TAF1: variants seen among roughly 807,000 people sequenced by gnomAD.
The protein encoded by TAF1 is TATA-box binding protein associated factor 1, also known as transcription initiation factor TFIID subunit 1.
A neutral mutation model predicts 138.5 loss-of-function variants in TAF1; 2 were observed. The ratio of observed to expected loss-of-function variants is 0.01; its 90% CI spans 0.01 to 0.05. The LOEUF (loss-of-function observed/expected upper bound fraction) is 0.05, where lower values mean the gene tolerates loss of function less well. Among genes scored for constraint, TAF1 ranks in the 10% least tolerant of loss-of-function variants. The probability of loss-of-function intolerance (pLI) is 1.00; values close to 1 mark genes in which losing one functional copy is unlikely to be tolerated. For synonymous variants in TAF1, 437 were observed against 503.2 expected (o/e 0.87, Z 1.76); for missense variants, 709 against 1,478.0 (o/e 0.48, Z 8.53).
chrX:71,446,130 C>T (rs189440156), intron 32 of TAF1, among the ~76,000 whole-genome samples: 60 of 110,838 alleles, frequency 5.4e-4, no homozygotes, highest in Non-Finnish European at 1.0e-3. Context: ...AGGCTGGTCC[C>T]GAACTCCTGA....
rs746444400 is a variant in TAF1, at chrX:71,437,415, A to G, written c.4753+13177A>G. Among the ~76,000 whole-genome samples, 3 of 110,395 alleles carry G rather than the reference A, an allele frequency of 2.7e-5. No individual in the cohort carries two copies. In the South Asian group the frequency reaches 1.2e-3, roughly 42 times the overall value. ...TCCATCAGTGATTGGGACCCAAGGTATAAGTATTTCTGACCAGGCTTGGTG... is the reference window on the plus strand; with the variant it reads ...TCCATCAGTGATTGGGACCCAAGGTGTAAGTATTTCTGACCAGGCTTGGTG... On this transcript the variant is annotated intron_variant, in intron 32 of 37. Coordinates refer to ENST00000423759, the MANE Select transcript of TAF1 (RefSeq NM_004606.5).
intron 3 of TAF1, 34 bp downstream of exon 3, chrX:71,368,204 G>C (rs1486836885): frequency 1.7e-6 from 2 of 1,182,987 alleles, no homozygotes; most frequent in South Asian, 1.8e-5. Flanking sequence ...GAACATTCCA[G>C]TGCATTATCC....
At chrX:71,431,686 G>T (rs1048004917) in intron 32 of TAF1, among the ~76,000 whole-genome samples, 3 of 110,680 alleles carry the variant, frequency 2.7e-5, no homozygotes, top group Non-Finnish European at 5.7e-5. Flanking sequence ...GGAGGCCGAG[G>T]CTGGTGGATC....
intron 34 of TAF1, among the ~76,000 whole-genome samples, chrX:71,456,057 G>A (rs1172715195): frequency 1.8e-5 from 2 of 111,831 alleles, no homozygotes; most frequent in Non-Finnish European, 3.8e-5. Flanking sequence ...TTGGGTGAGT[G>A]ATGTTGCCCA....
chrX:71,455,258 T>G (rs907670734), intron 34 of TAF1, among the ~76,000 whole-genome samples: 12 of 111,706 alleles, frequency 1.1e-4, no homozygotes, highest in Non-Finnish European at 2.3e-4. Flanking sequence ...GACACTTGAT[T>G]ACTCATTCCC....
chrX:71,370,793 G>A lies in TAF1; in HGVS notation c.352+2623G>A, dbSNP rs763842542. Among the ~76,000 whole-genome samples, 5 of 112,134 alleles carry A rather than the reference G, an allele frequency of 4.5e-5. No homozygotes were observed. In the East Asian group the frequency reaches 1.1e-3, roughly 25 times the overall value. The stretch of plus-strand genomic sequence containing the variant: ...TTCGGGACAGCTTATGGATTTGAGT[G>A]CTACTTATATGAAAAGAATTAACTG... On this transcript the variant is annotated intron_variant, in intron 3 of 37. Transcript: ENST00000423759.
chrX:71,370,292 T>C (rs995827896), intron 3 of TAF1, among the ~76,000 whole-genome samples: 1 of 111,053 alleles, frequency 9.0e-6, no homozygotes, highest in African/African-American at 3.3e-5. Context: ...TCTAGAGGTA[T>C]TGGTCCATAG....
intron 35 of TAF1, chrX:71,459,187 C>T: frequency 9.2e-7 from 1 of 1,089,483 alleles, no homozygotes; most frequent in Non-Finnish European, 1.2e-6. Flanking sequence ...GAGGAAGACT[C>T]TGATGTAGAT....
intron 28 of TAF1, chrX:71,420,040 C>A: frequency 3.8e-6 from 1 of 264,909 alleles, no homozygotes; most frequent in Non-Finnish European, 6.9e-6. Flanking sequence ...TTTTCCCCTT[C>A]TGTCCTCTTT....
chrX:71,377,494 T>G, intron 5 of TAF1, 109 bp from the exon 6 acceptor site: 1 of 947,497 alleles, frequency 1.1e-6, no homozygotes. Flanking sequence ...ACTCCTTTGT[T>G]TCTCCCCCAC....
intron 13 of TAF1, among the ~76,000 whole-genome samples, chrX:71,506,718 T>C (rs760207618): frequency 3.9e-5 from 4 of 103,112 alleles, no homozygotes; most frequent in Non-Finnish European, 7.8e-5. Context: ...AAAAAAAAAA[T>C]GCTATATATT....
intron 28 of TAF1, among the ~76,000 whole-genome samples, chrX:71,419,616 T>C (rs1235443458): frequency 9.0e-6 from 1 of 111,093 alleles, no homozygotes; most frequent in African/African-American, 3.3e-5. Flanking sequence ...GGGTGGGTGG[T>C]AGACCTGACT....
intron 32 of TAF1, among the ~76,000 whole-genome samples, chrX:71,445,642 C>A (rs907583149): frequency 9.0e-6 from 1 of 111,374 alleles, no homozygotes. Flanking sequence ...TTTTCTAGTT[C>A]TTTTACCATT....
At chrX:71,498,582 G>T (rs1223338822) in intron 13 of TAF1, among the ~76,000 whole-genome samples, 2 of 111,257 alleles carry the variant, frequency 1.8e-5, no homozygotes, top group Non-Finnish European at 3.8e-5. Context: ...AGGAAAAGTG[G>T]TGGGGTCTTT....
chrX:71,394,272 T>TA, intron 22 of TAF1, 27 bp downstream of exon 22: 1 of 1,166,347 alleles, frequency 8.6e-7, no homozygotes, highest in Non-Finnish European at 1.1e-6. Flanking sequence ...CACAGACAGA[T>TA]AAAAAAGAGA....
chrX:71,450,222 A>G (rs1354835714), intron 32 of TAF1, among the ~76,000 whole-genome samples: 2 of 103,935 alleles, frequency 1.9e-5, no homozygotes, highest in African/African-American at 7.1e-5. Flanking sequence ...TTTTTTTTTG[A>G]GACAGAGTCT....
intron 25 of TAF1, 139 bp from the exon 26 acceptor site, chrX:71,406,499 A>G (rs765427298): frequency 6.1e-6 from 3 of 489,692 alleles, no homozygotes; most frequent in East Asian, 3.8e-5. Context: ...TAGAAGGTGG[A>G]TGTTTGGCCT....
In TAF1 at chrX:71,388,881, C is replaced by G; in HGVS notation, c.2700+13C>G. The G allele has an allele frequency of 8.4e-7, 1 of 1,195,151 alleles. No homozygotes were observed. Among genetic ancestry groups the G allele is most frequent in the East Asian group, 3.0e-5 (1 of 33,611 alleles). On this transcript the variant is annotated intron_variant, in intron 17 of 37. Transcript: ENST00000423759. ...GCAACGACTGAAGGTGAACACCTTC[C>G]TCTTAGACACCACTTATGCCTGTGG...
intron 6 of TAF1, 84 bp from the exon 7 acceptor site, chrX:71,378,151 C>A (rs989026713): frequency 1.0e-6 from 1 of 962,233 alleles, no homozygotes; most frequent in Non-Finnish European, 1.4e-6. Context: ...CTCTAAGTTC[C>A]CCTCCTGACT....
Sources: gnomAD v4.1 joint callset for allele counts (sites outside exome capture counted in the v4.1 genomes callset) on GRCh38, gnomAD v4.1.1 for gene constraint, MANE v1.5 for transcripts, NCBI Gene and HGNC (gene_info 2026-07-23, HGNC 2026-07-21) for gene names.